The following MSRA variants were observed in gnomAD, a reference collection of about 807,000 sequenced individuals.
MSRA encodes mitochondrial peptide methionine sulfoxide reductase.
A neutral mutation model predicts 31.3 loss-of-function variants in MSRA; 54 were observed. That is an observed-to-expected ratio of 1.73 (90% CI 1.39 to 2.17). The LOEUF is 2.17. Among genes scored for constraint, MSRA ranks in the 30% most tolerant of loss-of-function variants. MSRA has a pLI of 0.00. For missense variants in MSRA, 507 were observed against 300.9 expected, an observed-to-expected ratio of 1.69 and a Z score of -5.07; for synonymous variants, 169 against 116.5, an observed-to-expected ratio of 1.45 and a Z score of -2.90.
intron 5 of MSRA, among the ~76,000 whole-genome samples, chr8:10,406,657 C>T (rs1807836042): frequency 1.3e-5 from 2 of 152,212 alleles, no homozygotes; most frequent in Non-Finnish European, 2.9e-5. Flanking sequence ...GTTAAACGGA[C>T]AACCTACTTT....
rs563339632 is a variant in MSRA at position 10,320,995 on chromosome 8, C to T, written c.543+1006C>T. ...ACATTCCGAGGTTTTAGGACTCCAA[C>T]ATATCTTTTGGAGGGAGACACGATT... On this transcript the variant is annotated intron_variant, in intron 5 of 5. Coordinates refer to ENST00000317173, the MANE Select transcript of MSRA (RefSeq NM_012331.5). Among the ~76,000 whole-genome samples the T allele has an allele frequency of 6.6e-5, 10 of 152,304 alleles. No homozygotes were observed. The East Asian group carries it at 7.7e-4, about 12-fold the overall frequency.
chr8:10,088,877 G>T (rs534897323), intron 1 of MSRA, among the ~76,000 whole-genome samples: 20 of 152,294 alleles, frequency 1.3e-4, no homozygotes, highest in Admixed American at 2.6e-4. Context: ...GAAATGTGCA[G>T]ACACAGAGAG....
At chr8:10,076,927 A>T (rs538986277) in intron 1 of MSRA, among the ~76,000 whole-genome samples, 6 of 151,986 alleles carry the variant, frequency 3.9e-5, no homozygotes, top group Non-Finnish European at 8.8e-5. Context: ...TAGAAAAAAA[A>T]AGCTAATGCC....
chr8:10,153,552 T>G (rs1803895156), intron 1 of MSRA, among the ~76,000 whole-genome samples: 1 of 152,110 alleles, frequency 6.6e-6, no homozygotes, highest in African/African-American at 2.4e-5. Flanking sequence ...GACAGTGGCA[T>G]AAGGTCACTG....
At chr8:10,150,790 C>T (rs1360247075) in intron 1 of MSRA, among the ~76,000 whole-genome samples, 5 of 152,186 alleles carry the variant, frequency 3.3e-5, no homozygotes, top group Admixed American at 6.5e-5. Flanking sequence ...AGCCTTTTCT[C>T]TTCAGCTCCT....
At chr8:10,108,453 G>A (rs540175550) in intron 1 of MSRA, among the ~76,000 whole-genome samples, 3 of 152,176 alleles carry the variant, frequency 2.0e-5, no homozygotes, top group Non-Finnish European at 2.9e-5. Context: ...CAGTCCTTGC[G>A]ATAGTCTGTG....
chr8:10,291,947 T>A (rs1400640199), intron 3 of MSRA, among the ~76,000 whole-genome samples: 1 of 152,222 alleles, frequency 6.6e-6, no homozygotes, highest in Non-Finnish European at 1.5e-5. Flanking sequence ...GTCACCATCG[T>A]TACATTAGTC....
At chr8:10,377,826 G>A (rs1021379943) in intron 5 of MSRA, among the ~76,000 whole-genome samples, 1 of 152,196 alleles carries the variant, frequency 6.6e-6, no homozygotes, top group Admixed American at 6.5e-5. Context: ...GAGGCAAGTG[G>A]GTCTCCAGGG....
At chr8:10,409,835 G>A (rs1259144235) in intron 5 of MSRA, among the ~76,000 whole-genome samples, 1 of 152,238 alleles carries the variant, frequency 6.6e-6, no homozygotes, top group Non-Finnish European at 1.5e-5. Context: ...GCTGAGGTGG[G>A]AGGATCACTT....
At chr8:10,147,599 C>G (rs1313032629) in intron 1 of MSRA, among the ~76,000 whole-genome samples, 1 of 152,222 alleles carries the variant, frequency 6.6e-6, no homozygotes, top group Non-Finnish European at 1.5e-5. Flanking sequence ...GGCATGAGAA[C>G]AGGAGGCAGG....
intron 5 of MSRA, among the ~76,000 whole-genome samples, chr8:10,391,852 G>T (rs371089417): frequency 6.6e-6 from 1 of 152,188 alleles, no homozygotes; most frequent in Non-Finnish European, 1.5e-5. Context: ...TTTAAATACC[G>T]CATTTCACTT....
chr8:10,222,651 A>C (rs1490235213), intron 2 of MSRA, among the ~76,000 whole-genome samples: 1 of 152,240 alleles, frequency 6.6e-6, no homozygotes, highest in African/African-American at 2.4e-5. Context: ...AATACGATTC[A>C]GTCTTAAGAA....
At chr8:10,136,065 G>C (rs1802247934) in intron 1 of MSRA, among the ~76,000 whole-genome samples, 1 of 152,190 alleles carries the variant, frequency 6.6e-6, no homozygotes, top group Non-Finnish European at 1.5e-5. Context: ...GGCCTGTGTG[G>C]CATCTGGAAC....
chr8:10,118,443 A>G (rs1166181021), intron 1 of MSRA, among the ~76,000 whole-genome samples: 1 of 151,680 alleles, frequency 6.6e-6, no homozygotes, highest in Non-Finnish European at 1.5e-5. Context: ...CTGCTTTATA[A>G]CCTCCCTGAG....
intron 1 of MSRA, among the ~76,000 whole-genome samples, chr8:10,178,746 A>T (rs1159441399): frequency 2.0e-5 from 3 of 152,194 alleles, no homozygotes; most frequent in African/African-American, 7.2e-5. Context: ...GAAAGATTGG[A>T]AACTCTCAAT....
intron 2 of MSRA, among the ~76,000 whole-genome samples, chr8:10,237,892 C>G (rs1277483988): frequency 1.3e-5 from 2 of 152,188 alleles, no homozygotes; most frequent in African/African-American, 4.8e-5. Context: ...AGTTTCTTAA[C>G]CATTCACTGC....
intron 1 of MSRA, among the ~76,000 whole-genome samples, chr8:10,205,662 C>G (rs560111055): frequency 1.9e-4 from 29 of 152,058 alleles, no homozygotes; most frequent in Non-Finnish European, 4.0e-4. Flanking sequence ...CATTTTCACC[C>G]TAGACAAAAA....
At chr8:10,162,092 C>T (rs757805287) in intron 1 of MSRA, among the ~76,000 whole-genome samples, 14 of 152,108 alleles carry the variant, frequency 9.2e-5, no homozygotes, top group Non-Finnish European at 1.3e-4. Flanking sequence ...GTAGGAATTC[C>T]GATGGGAGGT....
chr8:10,065,363 C>G lies in MSRA; in HGVS notation c.142+10705C>G, dbSNP rs149362124. ...ATGTAAGAGGGGTTTCAGGAGCCCA[C>G]TCTAGATAACTTAAAAAATGTTTTT... On this transcript the variant is annotated intron_variant, in intron 1 of 5. Coordinates refer to ENST00000317173, the MANE Select transcript of MSRA (RefSeq NM_012331.5). Among the ~76,000 whole-genome samples, 150 of 152,320 alleles carry G rather than the reference C, an allele frequency of 9.8e-4. No homozygotes were observed. The East Asian group carries it at 0.022, about 22-fold the overall frequency.
Sources: gnomAD v4.1 joint callset for allele counts (sites outside exome capture counted in the v4.1 genomes callset) on GRCh38, gnomAD v4.1.1 for gene constraint, MANE v1.5 for transcripts, NCBI Gene and HGNC (gene_info 2026-07-23, HGNC 2026-07-21) for gene names.